AP1M1: variants seen among roughly 807,000 people sequenced by gnomAD.
AP1M1 encodes adaptor related protein complex 1 subunit mu 1.
AP1M1 carries 18 observed loss-of-function variants against 57.1 expected under a neutral mutation model. The ratio of observed to expected loss-of-function variants is 0.32; its 90% CI spans 0.22 to 0.47. The LOEUF is 0.47. AP1M1 is among the 20% of genes least tolerant of loss of function. The pLI, the probability that AP1M1 is intolerant of heterozygous loss-of-function variation, is 1.00. For synonymous variants in AP1M1, 241 were observed against 237.9 expected (o/e 1.01, Z -0.12); for missense variants, 362 against 593.5 (o/e 0.61, Z 4.05).
At chr19:16,234,095 A>G in intron 10 of AP1M1, 104 bp from the exon 11 acceptor site, 2 of 1,158,100 alleles carry the variant, frequency 1.7e-6, no homozygotes, top group Non-Finnish European at 2.4e-6. Flanking sequence ...TCCTGTCGTC[A>G]TGGCCTCCCC....
At chr19:16,215,200 C>CGGGGGGGGGGGGG (rs1192567428) in intron 5 of AP1M1, among the ~76,000 whole-genome samples, 1 of 7,370 alleles carries the variant, frequency 1.4e-4, no homozygotes, top group African/African-American at 4.2e-4. Flanking sequence ...AAGGCGGGGG[C>CGGGGGGGGGGGGG]GGGGGGGGGG....
intron 4 of AP1M1, chr19:16,208,359 GCTC>G (rs1415005653): frequency 2.1e-6 from 1 of 466,262 alleles, no homozygotes; most frequent in Non-Finnish European, 3.8e-6. Flanking sequence ...TGCTTTTCCT[GCTC>G]CTCATCTTTA....
rs528404974 is a variant in AP1M1 at position 16,230,543 on chromosome 19, G to T, written c.1047+1615G>T. On this transcript the variant is annotated intron_variant, in intron 9 of 11. Transcript: ENST00000291439. ...AGCGTCCTGAGCAGCTGGGATTACA[G>T]GCATGTGTCACCACGCCTGGCTAAT... is the stretch of plus-strand genomic sequence containing the variant. Among the ~76,000 whole-genome samples the T allele has an allele frequency of 1.2e-4, 18 of 152,228 alleles. No individual in the cohort carries two copies. In the South Asian group the frequency reaches 3.7e-3, roughly 32 times the overall value.
chr19:16,206,420 T>G lies in AP1M1; in HGVS notation c.267+12T>G. The G allele has an allele frequency of 6.2e-7, 1 of 1,613,812 alleles. No individual in the cohort carries two copies. Among genetic ancestry groups the G allele is most frequent in the Non-Finnish European group, 8.5e-7 (1 of 1,179,896 alleles). ...ATAAGGTGGTGCAGGTGAGTCTCGCTCGGAGGGGCCGTGGGCTTGGGTGGA... is the reference window on the plus strand; with the variant it reads ...ATAAGGTGGTGCAGGTGAGTCTCGCGCGGAGGGGCCGTGGGCTTGGGTGGA... On this transcript the variant is annotated intron_variant, in intron 3 of 11. Coordinates refer to ENST00000291439, the MANE Select transcript of AP1M1 (RefSeq NM_032493.4). The surrounding 1 kb of genome is among the most constrained non-coding windows in gnomAD (Gnocchi z 4.3).
At position 16,243,432 on chromosome 19, in the gene AP1M1, C is replaced by CATT. The variant is rs1555726565; in HGVS notation, c.*8997_*8998insATT. On this transcript the variant is annotated 3_prime_UTR_variant, in exon 12 of 12. Coordinates refer to ENST00000291439, the MANE Select transcript of AP1M1 (RefSeq NM_032493.4). ...TACAGGTGAGCACCACCAAGCTCAG[C>CATT]TATTTTTTTTTTTTTTTTGTATTTT... 1 of 124,266 alleles carries CATT rather than the reference C, an allele frequency of 8.0e-6. No individual in the cohort carries two copies. Among genetic ancestry groups the CATT allele is most frequent in the Non-Finnish European group, 1.6e-5 (1 of 60,832 alleles). The allele number at this position is 124,266 out of a possible 1,614,324, so 7.7% of individuals were successfully genotyped here. A position where few individuals can be genotyped will look rare whatever the true frequency, so the allele number is the denominator to read the frequency against.
intron 5 of AP1M1, among the ~76,000 whole-genome samples, chr19:16,218,381 C>T (rs2091527957): frequency 6.6e-6 from 1 of 152,222 alleles, no homozygotes; most frequent in African/African-American, 2.4e-5. Context: ...CTGGCCGTGG[C>T]AGTCGAGGGG....
At chr19:16,226,132 AGGCCTAGAG>A (rs2091570120) in intron 5 of AP1M1, among the ~76,000 whole-genome samples, 1 of 80,488 alleles carries the variant, frequency 1.2e-5, no homozygotes, top group African/African-American at 2.9e-5. Context: ...GTGTGGCCTG[AGGCCTAGAG>A]GGCAGGACCC....
At chr19:16,208,557 T>G (rs577270817) in intron 4 of AP1M1, among the ~76,000 whole-genome samples, 2 of 152,282 alleles carry the variant, frequency 1.3e-5, no homozygotes, top group Admixed American at 6.5e-5. Flanking sequence ...TTCACTCGAT[T>G]CACAGCCTCC....
At chr19:16,216,887 G>A (rs1331390853) in intron 5 of AP1M1, among the ~76,000 whole-genome samples, 3 of 152,234 alleles carry the variant, frequency 2.0e-5, no homozygotes, top group Non-Finnish European at 4.4e-5. Context: ...TAGGGTAGTG[G>A]CAGCAGGATC....
At chr19:16,209,705 A>G (rs552437285) in intron 5 of AP1M1, among the ~76,000 whole-genome samples, 2 of 152,228 alleles carry the variant, frequency 1.3e-5, no homozygotes, top group East Asian at 1.9e-4. Context: ...CATTCTGTAG[A>G]CAGACAGAAA....
rs543915144 is a variant in AP1M1, at chr19:16,213,955, A to T, written c.546+4778A>T. ...GTCATTGTGTTGTTAGCTGTTTATT[A>T]TGCTGACTTGTTTGTGTGGTTGCTT... is the stretch of plus-strand genomic sequence containing the variant. On this transcript the variant is annotated intron_variant, in intron 5 of 11. Coordinates refer to ENST00000291439, the MANE Select transcript of AP1M1 (RefSeq NM_032493.4). 9.9e-5 allele frequency among the ~76,000 whole-genome samples: 15 copies of T among 152,022 alleles called. No homozygotes were observed. The South Asian group carries it at 2.9e-3, about 30-fold the overall frequency.
rs902515752 is a variant in AP1M1 at position 16,241,991 on chromosome 19, CAA to C, written c.*7566_*7567del. The C allele has an allele frequency of 4.5e-5, 6 of 134,038 alleles. No homozygotes were observed. The highest frequency in any genetic ancestry group is 8.0e-5 in the Non-Finnish European group (5 of 62,402). 8.3% of individuals were successfully genotyped at this position (134,038 alleles called of 1,614,324 possible). On this transcript the variant is annotated 3_prime_UTR_variant, in exon 12 of 12. Transcript: ENST00000291439. ...CTGGGCAATGAGCGAAACTCCATCT[CAA>C]AAAAAAAAAGAAAGAAAAAGAAAAA...
rs371602887 is a variant in AP1M1, at chr19:16,205,627, G to C, written c.200-714G>C. Among the ~76,000 whole-genome samples the C allele has an allele frequency of 1.1e-4, 16 of 152,276 alleles. No homozygotes were observed. The East Asian group carries it at 2.9e-3, about 28-fold the overall frequency. On this transcript the variant is annotated intron_variant, in intron 2 of 11. Transcript: ENST00000291439. ...CAGGGATGTCCAGGGTGCAGTGCATGGGCCTACAGAGGAAGAACCAGCCTT... is the reference window on the plus strand; with the variant it reads ...CAGGGATGTCCAGGGTGCAGTGCATCGGCCTACAGAGGAAGAACCAGCCTT...
intron 10 of AP1M1, 124 bp from the exon 11 acceptor site, chr19:16,234,075 C>T: frequency 1.1e-6 from 1 of 897,156 alleles, no homozygotes; most frequent in Non-Finnish European, 1.7e-6. Flanking sequence ...CCCCCTGAGG[C>T]CTGTGCTCAT....
intron 5 of AP1M1, chr19:16,210,516 C>A: frequency 1.5e-6 from 1 of 653,802 alleles, no homozygotes; most frequent in African/African-American, 1.8e-5. Flanking sequence ...TTTTTGTCAT[C>A]CTAATAGGTA....
Position 16,243,851 on chromosome 19 carries a change from A to T in AP1M1, c.*9416A>T, listed in dbSNP as rs573649013. The T allele has an allele frequency of 6.6e-6, 1 of 152,216 alleles. No homozygotes were observed. Among genetic ancestry groups the T allele is most frequent in the East Asian group, 1.9e-4 (1 of 5,148 alleles). The allele number at this position is 152,216 out of a possible 1,614,324, so 9.4% of individuals were successfully genotyped here. The stretch of plus-strand genomic sequence containing the variant: ...CCAGCTACTCAGGAGGCTGAGGCCC[A>T]AGAATGGCTTGAACCCTGGAGGCAG... On this transcript the variant is annotated 3_prime_UTR_variant, in exon 12 of 12. Transcript: ENST00000291439.
In AP1M1 at chr19:16,208,126, C is replaced by T; in HGVS notation, c.375C>T (p.Thr125=). 1 of 1,613,470 alleles carries T rather than the reference C, an allele frequency of 6.2e-7. No homozygotes were observed. The highest frequency in any genetic ancestry group is 8.5e-7 in the Non-Finnish European group (1 of 1,179,670). ...DELMDFGYPQ[T]TDSKILQEYI... ...TCATGGACTTCGGCTACCCCCAGAC[C>T]ACCGACAGCAAGATCCTGCAGGAGT... Residue 125 remains threonine (T), a synonymous_variant, in exon 4 of 12, where the codon ACC becomes ACT. Transcript: ENST00000291439.
At chr19:16,210,146 C>G (rs1330827678) in intron 5 of AP1M1, among the ~76,000 whole-genome samples, 1 of 152,222 alleles carries the variant, frequency 6.6e-6, no homozygotes, top group Admixed American at 6.5e-5. Flanking sequence ...AGTCTGGCTG[C>G]TTTAACTCAT....
At chr19:16,208,225 GA>G in intron 4 of AP1M1, 76 bp downstream of exon 4, 2 of 1,481,542 alleles carry the variant, frequency 1.3e-6, no homozygotes, top group Non-Finnish European at 9.0e-7. Context: ...TGTGGAAACA[GA>G]AGGGGCAAAT....
Sources: gnomAD v4.1 joint callset for allele counts (sites outside exome capture counted in the v4.1 genomes callset) on GRCh38, gnomAD v4.1.1 for gene constraint, Gnocchi (gnomAD v3.1) non-coding constraint, MANE v1.5 for transcripts, NCBI Gene and HGNC (gene_info 2026-07-23, HGNC 2026-07-21) for gene names.